The following ASB13 variants were observed in gnomAD, a reference collection of about 807,000 sequenced individuals.
ASB13 encodes ankyrin repeat and SOCS box containing 13.
ASB13 carries 33 observed loss-of-function variants against 28.8 expected under a neutral mutation model. The observed-to-expected ratio is 1.15, with a 90% CI of 0.87 to 1.53. ASB13 has a LOEUF of 1.53. Ranked by LOEUF, ASB13 falls within the 40% of genes most tolerant of loss-of-function variation. ASB13 has a pLI of 0.00. For missense variants in ASB13, 414 were observed against 390.1 expected, an observed-to-expected ratio of 1.06 and a Z score of -0.52; for synonymous variants, 182 against 172.9, an observed-to-expected ratio of 1.05 and a Z score of -0.41.
Position 5,648,974 on chromosome 10 carries a change from A to G in ASB13, c.513T>C (p.Asn171=). ...CTCGGGCAAACACCCACTCACCTGCATTGAGCAGCACTTTGACACAGTCCA... is the reference window on the plus strand; with the variant it reads ...CTCGGGCAAACACCCACTCACCTGCGTTGAGCAGCACTTTGACACAGTCCA... The part of the protein sequence containing the change: ...EHLDCVKVLL[N]AGANVNAAKL... Residue 171 remains asparagine (N), a synonymous_variant, in exon 4 of 6, where the codon AAT becomes AAC. Coordinates refer to ENST00000357700, the MANE Select transcript of ASB13 (RefSeq NM_024701.4). 1.2e-6 allele frequency: 2 copies of G among 1,614,210 alleles called. No individual in the cohort carries two copies. Among genetic ancestry groups the G allele is most frequent in the Non-Finnish European group, 1.7e-6 (2 of 1,180,006 alleles).
intron 4 of ASB13, among the ~76,000 whole-genome samples, chr10:5,647,319 C>T (rs1834900181): frequency 6.6e-6 from 1 of 152,180 alleles, no homozygotes; most frequent in South Asian, 2.1e-4. Flanking sequence ...GATGATGAAA[C>T]TAAAATTTTC....
Position 5,641,769 on chromosome 10 carries a change from C to T in ASB13, c.709+1G>A. On this transcript the variant is annotated splice_donor_variant, in intron 5 of 5. Transcript: ENST00000357700. LOFTEE classifies it high-confidence loss of function. The surrounding 1 kb of genome is among the most constrained non-coding windows in gnomAD (Gnocchi z 8.4). ...GGGGTGCGCTCGGTGGGGTGTCTCA[C>T]TTTCGTAGTACTCGAAGCACTTGGC... 1 of 1,580,270 alleles carries T rather than the reference C, an allele frequency of 6.3e-7. No individual in the cohort carries two copies. The highest frequency in any genetic ancestry group is 8.6e-7 in the Non-Finnish European group (1 of 1,160,708).
In ASB13 at chr10:5,663,010, C is replaced by T. The variant is rs1787920411; in HGVS notation, c.43+3499G>A. ...GTCTGGGCTCAGTGTTTTGTTGCTA[C>T]AGTGATATTTTTCAACCATGTCTTT... is the stretch of plus-strand genomic sequence containing the variant. On this transcript the variant is annotated intron_variant, in intron 1 of 5. Coordinates refer to ENST00000357700, the MANE Select transcript of ASB13 (RefSeq NM_024701.4). This position sits in a 1 kb window ranked among gnomAD's most constrained non-coding sequence, Gnocchi z 4.9. Among the ~76,000 whole-genome samples the T allele has an allele frequency of 6.6e-6, 1 of 152,188 alleles. No individual in the cohort carries two copies. The highest frequency in any genetic ancestry group is 2.4e-5 in the African/African-American group (1 of 41,444).
At chr10:5,662,311 G>T (rs186519550) in intron 1 of ASB13, among the ~76,000 whole-genome samples, 85 of 152,046 alleles carry the variant, frequency 5.6e-4, no homozygotes, top group African/African-American at 1.9e-3. Flanking sequence ...CTGAGGTCAA[G>T]AGTTCGAGAT....
Position 5,645,459 on chromosome 10 carries a change from C to CAAAT in ASB13, c.518-3499_518-3498insATTT, listed in dbSNP as rs1834870705. The stretch of plus-strand genomic sequence containing the variant: ...TACTTCACCATCATAACCGGACTTT[C>CAAAT]ACCCTCCCCAGCCCTCCTCCTTTGC... On this transcript the variant is annotated intron_variant, in intron 4 of 5. Coordinates refer to ENST00000357700, the MANE Select transcript of ASB13 (RefSeq NM_024701.4). The surrounding 1 kb of genome is among the most constrained non-coding windows in gnomAD (Gnocchi z 5.4). 6.6e-6 allele frequency among the ~76,000 whole-genome samples: 1 copy of CAAAT among 152,200 alleles called. No individual in the cohort carries two copies. Among genetic ancestry groups the CAAAT allele is most frequent in the Non-Finnish European group, 1.5e-5 (1 of 68,040 alleles).
Position 5,651,232 on chromosome 10 carries a change from C to T in ASB13, c.363G>A (p.Leu121=), listed in dbSNP as rs1417932025. Residue 121 remains leucine, a synonymous_variant, in exon 3 of 6, where the codon CTG becomes CTA. Transcript: ENST00000357700. This position sits in a 1 kb window ranked among gnomAD's most constrained non-coding sequence, Gnocchi z 5.1. ...ACTCACCGCTCATGCAGGCCTCGTGCAGGGGGGACGCTGTGTACAGGGGAG... is the reference window on the plus strand; with the variant it reads ...ACTCACCGCTCATGCAGGCCTCGTGTAGGGGGGACGCTGTGTACAGGGGAG... ...VNPPLYTASP[L]HEACMSGSSE... is the part of the protein sequence containing the mutation. 6.2e-7 allele frequency: 1 copy of T among 1,611,952 alleles called. No individual in the cohort carries two copies. The highest frequency in any genetic ancestry group is 1.1e-5 in the South Asian group (1 of 90,834).
In ASB13 at chr10:5,642,807, G is replaced by C. The variant is rs1165431588; in HGVS notation, c.518-846C>G. 6.6e-6 allele frequency among the ~76,000 whole-genome samples: 1 copy of C among 152,062 alleles called. No homozygotes were observed. The highest frequency in any genetic ancestry group is 2.4e-5 in the African/African-American group (1 of 41,422). Reference sequence around the variant, plus strand: ...GATGACAGGTGTGCCACCATGCCCGGCTAATTTTTCTATTTTTTGTAGAGA... The same window carrying C: ...GATGACAGGTGTGCCACCATGCCCGCCTAATTTTTCTATTTTTTGTAGAGA... On this transcript the variant is annotated intron_variant, in intron 4 of 5. Coordinates refer to ENST00000357700, the MANE Select transcript of ASB13 (RefSeq NM_024701.4). This position sits in a 1 kb window ranked among gnomAD's most constrained non-coding sequence, Gnocchi z 4.1.
At chr10:5,662,089 A>T (rs1435412110) in intron 1 of ASB13, among the ~76,000 whole-genome samples, 1 of 152,134 alleles carries the variant, frequency 6.6e-6, no homozygotes, top group East Asian at 1.9e-4. Flanking sequence ...GGGTTTTCTG[A>T]TGCTGCTCTC....
intron 1 of ASB13, among the ~76,000 whole-genome samples, chr10:5,654,736 T>C (rs1028391356): frequency 2.6e-5 from 4 of 152,202 alleles, no homozygotes; most frequent in Non-Finnish European, 5.9e-5. Context: ...CAGTTTCCTC[T>C]TACTATTCTG....
Position 5,663,993 on chromosome 10 carries a change from G to C in ASB13, c.43+2516C>G, listed in dbSNP as rs1046473582. Among the ~76,000 whole-genome samples, 1 of 152,086 alleles carries C rather than the reference G, an allele frequency of 6.6e-6. No individual in the cohort carries two copies. Among genetic ancestry groups the C allele is most frequent in the Non-Finnish European group, 1.5e-5 (1 of 68,024 alleles). ...TCACTCAACTGAGAGTACCTGGATG[G>C]GGAGACATAAATCCATATAAACAAG... is the stretch of plus-strand genomic sequence containing the variant. On this transcript the variant is annotated intron_variant, in intron 1 of 5. Coordinates refer to ENST00000357700, the MANE Select transcript of ASB13 (RefSeq NM_024701.4). This position sits in a 1 kb window ranked among gnomAD's most constrained non-coding sequence, Gnocchi z 4.9.
In ASB13 at chr10:5,655,049, C is replaced by A. The variant is rs932104796; in HGVS notation, c.44-1999G>T. Among the ~76,000 whole-genome samples, 6 of 151,972 alleles carry A rather than the reference C, an allele frequency of 3.9e-5. No individual in the cohort carries two copies. The highest frequency in any genetic ancestry group is 1.5e-4 in the African/African-American group (6 of 41,348). On this transcript the variant is annotated intron_variant, in intron 1 of 5. Transcript: ENST00000357700. This position sits in a 1 kb window ranked among gnomAD's most constrained non-coding sequence, Gnocchi z 6.2. ...CCCGGGAGGCGGAGGTTGCAGCGAG[C>A]CCAGATCACGCCACTGCACCATAGC... is the stretch of plus-strand genomic sequence containing the variant.
At chr10:5,662,321 T>G (rs1056118160) in intron 1 of ASB13, among the ~76,000 whole-genome samples, 1 of 151,612 alleles carries the variant, frequency 6.6e-6, no homozygotes, top group Non-Finnish European at 1.5e-5. Flanking sequence ...GAGTTCGAGA[T>G]CAGCCTGGCC....
chr10:5,662,886 T>A (rs372106692), intron 1 of ASB13, among the ~76,000 whole-genome samples: 31 of 152,292 alleles, frequency 2.0e-4, no homozygotes, highest in African/African-American at 7.5e-4. Context: ...TATCACCAAA[T>A]TTTAATAGCG....
chr10:5,646,195 C>T (rs2131443888), intron 4 of ASB13, among the ~76,000 whole-genome samples: 1 of 152,336 alleles, frequency 6.6e-6, no homozygotes, highest in African/African-American at 2.4e-5. Context: ...CACAGCTGCC[C>T]CTTCCTTTCC....
chr10:5,649,046 A>C lies in ASB13; in HGVS notation c.441T>G (p.Asp147Glu). The change falls in exon 4 of 6, where the codon GAT becomes GAG. Residue 147 changes from aspartate to glutamate, a missense_variant. Asp to Glu is a conservative substitution (Grantham distance 45). Transcript: ENST00000357700. The surrounding 1 kb of genome is among the most constrained non-coding windows in gnomAD (Gnocchi z 6.4). ...IDVGANLEAHDCHFGTPLHVA... is the reference protein window; with the variant it reads ...IDVGANLEAHECHFGTPLHVA... ...CGTGCAGAGGGGTCCCAAAATGGCA[A>C]TCGTGCGCTTCCAGATTGGCCCCGA... 1 of 1,614,272 alleles carries C rather than the reference A, an allele frequency of 6.2e-7. No individual in the cohort carries two copies. The highest frequency in any genetic ancestry group is 8.5e-7 in the Non-Finnish European group (1 of 1,180,048).
In ASB13 at chr10:5,649,892, G is replaced by A. The variant is rs780537522; in HGVS notation, c.383-788C>T. ...AATGCGGATTTGGAGCGGGGTTCCA[G>A]GCCCCCCATCCTCCCGCCCCTGCAC... is the stretch of plus-strand genomic sequence containing the variant. On this transcript the variant is annotated intron_variant, in intron 3 of 5. Coordinates refer to ENST00000357700, the MANE Select transcript of ASB13 (RefSeq NM_024701.4). The surrounding 1 kb of genome is among the most constrained non-coding windows in gnomAD (Gnocchi z 6.4). 4.6e-5 allele frequency among the ~76,000 whole-genome samples: 7 copies of A among 152,106 alleles called. No homozygotes were observed. The highest frequency in any genetic ancestry group is 1.0e-4 in the Non-Finnish European group (7 of 68,000).
intron 4 of ASB13, among the ~76,000 whole-genome samples, chr10:5,646,767 C>A (rs1263156147): frequency 6.6e-6 from 1 of 151,940 alleles, no homozygotes; most frequent in Non-Finnish European, 1.5e-5. Context: ...TAAGTTGATC[C>A]CTTTCCCTAC....
intron 4 of ASB13, among the ~76,000 whole-genome samples, chr10:5,643,146 G>A (rs763058013): frequency 6.6e-6 from 1 of 152,182 alleles, no homozygotes; most frequent in Non-Finnish European, 1.5e-5. Flanking sequence ...CCCAGCATCA[G>A]TAAAATAATT....
At chr10:5,643,972 G>C (rs1834845584) in intron 4 of ASB13, among the ~76,000 whole-genome samples, 1 of 152,254 alleles carries the variant, frequency 6.6e-6, no homozygotes, top group Admixed American at 6.5e-5. Flanking sequence ...CTCTTGCAGG[G>C]AGGCAGCCTT....
Sources: allele counts gnomAD v4.1 joint callset (sites outside exome capture counted in the v4.1 genomes callset), GRCh38; gene constraint gnomAD v4.1.1; non-coding constraint Gnocchi (gnomAD v3.1); transcripts MANE v1.5; gene names NCBI Gene and HGNC (gene_info 2026-07-23, HGNC 2026-07-21).